Variants in CRYBG1 observed in about 807,000 individuals in gnomAD.
CRYBG1 encodes crystallin beta-gamma domain containing 1.
In CRYBG1, 139 loss-of-function variants were observed where a neutral mutation model predicts 189.2. The ratio of observed to expected loss-of-function variants is 0.73; its 90% CI spans 0.64 to 0.85. CRYBG1 has a LOEUF of 0.85. CRYBG1 is among the 40% of genes least tolerant of loss of function. The probability of loss-of-function intolerance (pLI) is 0.00; values close to 1 mark genes in which losing one functional copy is unlikely to be tolerated. For missense variants in CRYBG1, 2,611 were observed against 2,675.8 expected (o/e 0.98, Z 0.53); for synonymous variants, 1,023 against 1,017.1 (o/e 1.01, Z -0.11).
In CRYBG1 at chr6:106,511,410, T is replaced by A. The variant is rs781321067; in HGVS notation, c.313-20T>A. 2.4e-5 allele frequency: 36 copies of A among 1,524,702 alleles called. No homozygotes were observed. In the South Asian group the frequency reaches 4.4e-4, roughly 18 times the overall value. 94.4% of individuals were successfully genotyped at this position (1,524,702 alleles called of 1,614,324 possible). On this transcript the variant is annotated intron_variant, in intron 2 of 21. Coordinates refer to ENST00000633556, the MANE Select transcript of CRYBG1 (RefSeq NM_001371242.2). ...CACCAGATTCTCATATGTTCCCTCC[T>A]CATCCCTTTTATTTTTCAGTCCAGA...
chr6:106,514,699 C>A (rs566605436), intron 3 of CRYBG1, among the ~76,000 whole-genome samples: 2 of 152,194 alleles, frequency 1.3e-5, no homozygotes, highest in African/African-American at 4.8e-5. Context: ...AGTAGAAAAA[C>A]CAGAAATGTT....
At chr6:106,560,565 A>T (rs1774688416) in intron 18 of CRYBG1, among the ~76,000 whole-genome samples, 1 of 152,206 alleles carries the variant, frequency 6.6e-6, no homozygotes, top group African/African-American at 2.4e-5. Context: ...CGGAGGAAAA[A>T]ACTTACCTAT....
chr6:106,511,502 G>T lies in CRYBG1; in HGVS notation c.385G>T (p.Gly129Ter), dbSNP rs1324716614. The change falls in exon 3 of 22, where the codon GGA becomes TGA. Residue 129 changes from glycine (G) to a stop codon, truncating the protein, a stop_gained. Coordinates refer to ENST00000633556, the MANE Select transcript of CRYBG1 (RefSeq NM_001371242.2). LOFTEE classifies it high-confidence loss of function. ...LGKLGTLFTA[G>*]RRRNSRNGLE... Reference sequence around the variant, plus strand: ...GAAACTTGGCACTCTATTCACTGCAGGAAGGAGAAGAAACAGTAGAAACGG... The same window carrying T: ...GAAACTTGGCACTCTATTCACTGCATGAAGGAGAAGAAACAGTAGAAACGG... 1.6e-5 allele frequency: 24 copies of T among 1,535,550 alleles called. No individual in the cohort carries two copies. Among genetic ancestry groups the T allele is most frequent in the Non-Finnish European group, 2.1e-5 (24 of 1,146,578 alleles).
intron 1 of CRYBG1, among the ~76,000 whole-genome samples, chr6:106,434,306 A>C (rs533779119): frequency 1.3e-5 from 2 of 152,316 alleles, no homozygotes; most frequent in African/African-American, 4.8e-5. Context: ...GAAGGTGAGG[A>C]TCATGTGGGA....
intron 1 of CRYBG1, among the ~76,000 whole-genome samples, chr6:106,391,435 C>T (rs745410076): frequency 2.1e-4 from 32 of 152,092 alleles, no homozygotes; most frequent in Non-Finnish European, 4.3e-4. Flanking sequence ...TAATGTATCT[C>T]ATTGTGGTTT....
intron 1 of CRYBG1, among the ~76,000 whole-genome samples, chr6:106,378,981 T>C (rs1304490758): frequency 2.6e-5 from 4 of 151,992 alleles, no homozygotes; most frequent in Admixed American, 6.5e-5. Context: ...ACCCCGTCTC[T>C]ACTAAAAATA....
intron 1 of CRYBG1, among the ~76,000 whole-genome samples, chr6:106,429,184 T>C (rs1328063484): frequency 1.3e-5 from 2 of 152,246 alleles, no homozygotes; most frequent in African/African-American, 4.8e-5. Flanking sequence ...ATATCACCTA[T>C]TAGCCTTGCT....
intron 1 of CRYBG1, among the ~76,000 whole-genome samples, chr6:106,386,880 G>T (rs545591046): frequency 3.3e-5 from 5 of 152,270 alleles, no homozygotes; most frequent in African/African-American, 1.2e-4. Context: ...CCAGGATTTG[G>T]GACCCCTGCT....
At chr6:106,481,256 G>A (rs1351717352) in intron 2 of CRYBG1, among the ~76,000 whole-genome samples, 2 of 58,538 alleles carry the variant, frequency 3.4e-5, no homozygotes, top group Non-Finnish European at 6.0e-5. Context: ...TTACAGGCGT[G>A]AGCCACCGCG....
rs139042037 is a variant in CRYBG1, at chr6:106,397,404, A to G, written c.173+36323A>G. ...CATAACTGAAACCATTTTATTTTTA[A>G]TATGTGTGTGACTATAGACTCAAAG... On this transcript the variant is annotated intron_variant, in intron 1 of 21. Coordinates refer to ENST00000633556, the MANE Select transcript of CRYBG1 (RefSeq NM_001371242.2). Among the ~76,000 whole-genome samples the G allele has an allele frequency of 3.4e-3, 515 of 152,290 alleles. 7 individuals carry two copies. Among genetic ancestry groups the G allele is most frequent in the South Asian group, 0.016 (76 of 4,822 alleles).
At position 106,568,583 on chromosome 6, in the gene CRYBG1, A is replaced by G; in HGVS notation, c.*17A>G. 1 of 1,577,166 alleles carries G rather than the reference A, an allele frequency of 6.3e-7. No homozygotes were observed. The highest frequency in any genetic ancestry group is 2.2e-5 in the East Asian group (1 of 44,694). On this transcript the variant is annotated 3_prime_UTR_variant, in exon 22 of 22. Transcript: ENST00000633556. The stretch of plus-strand genomic sequence containing the variant: ...TATACCTGAACAAAGAAGGAAGAAG[A>G]ATCTTCTGGAGGTCCTTCCAGCCAC...
intron 9 of CRYBG1, chr6:106,541,168 A>AC: frequency 2.2e-6 from 1 of 456,930 alleles, no homozygotes; most frequent in Non-Finnish European, 4.5e-6. Flanking sequence ...AGAGACGGCA[A>AC]CCCCGGGCCT....
In CRYBG1 at chr6:106,520,218, C is replaced by T. The variant is rs763893451; in HGVS notation, c.3010C>T (p.Pro1004Ser). The T allele has an allele frequency of 3.1e-6, 5 of 1,613,446 alleles. No homozygotes were observed. The highest frequency in any genetic ancestry group is 2.7e-5 in the African/African-American group (2 of 74,902). ...AGTGGTTTCCGTTGCAAGTTGTGCT[C>T]CCCCACAAGAGGAAGTACTGGGCAA... ...PEVVSVASCA[P>S]PQEEVLGNEH... The change falls in exon 4 of 22, where the codon CCC (proline) becomes TCC (serine). Residue 1004 changes from proline to serine, a missense_variant. Physicochemically the swap from Pro to Ser is moderately conservative, Grantham distance 74 (BLOSUM62 -1). Coordinates refer to ENST00000633556, the MANE Select transcript of CRYBG1 (RefSeq NM_001371242.2).
intron 1 of CRYBG1, among the ~76,000 whole-genome samples, chr6:106,404,125 A>G (rs777706430): frequency 2.6e-5 from 4 of 152,188 alleles, no homozygotes; most frequent in African/African-American, 7.2e-5. Context: ...ACAGCAAGCT[A>G]TGGAGCACAC....
chr6:106,395,015 C>G (rs558917367), intron 1 of CRYBG1, among the ~76,000 whole-genome samples: 30 of 151,570 alleles, frequency 2.0e-4, no homozygotes, highest in African/African-American at 6.5e-4. Context: ...GCCACCACAC[C>G]TGGAAATGTA....
chr6:106,460,044 G>C (rs541076052), intron 2 of CRYBG1, among the ~76,000 whole-genome samples: 32 of 151,552 alleles, frequency 2.1e-4, no homozygotes, highest in Non-Finnish European at 3.1e-4. Context: ...TTGTTTTTTT[G>C]AGACAGAGTC....
intron 1 of CRYBG1, among the ~76,000 whole-genome samples, chr6:106,418,190 C>A (rs550743192): frequency 6.6e-6 from 1 of 152,354 alleles, no homozygotes; most frequent in South Asian, 2.1e-4. Context: ...GAAAGTCCCC[C>A]CAATGTGGCT....
intron 17 of CRYBG1, among the ~76,000 whole-genome samples, chr6:106,558,044 A>T (rs1774597765): frequency 1.3e-5 from 2 of 152,206 alleles, no homozygotes; most frequent in South Asian, 4.1e-4. Flanking sequence ...AATACATACA[A>T]GAGGAAGGTT....
intron 2 of CRYBG1, among the ~76,000 whole-genome samples, chr6:106,497,090 G>A (rs1341133537): frequency 6.6e-6 from 1 of 152,132 alleles, no homozygotes; most frequent in Non-Finnish European, 1.5e-5. Flanking sequence ...AACCGAAAGA[G>A]CAGGAAATTT....
Sources: allele counts gnomAD v4.1 joint callset (sites outside exome capture counted in the v4.1 genomes callset), GRCh38; gene constraint gnomAD v4.1.1; transcripts MANE v1.5; gene names NCBI Gene and HGNC (gene_info 2026-07-23, HGNC 2026-07-21).